Variants in ZNF282 observed in about 807,000 individuals in gnomAD.
ZNF282 encodes the protein HTLV-I U5 repressive element-binding protein 1.
Under a neutral mutation model 61.9 loss-of-function variants are expected in ZNF282, and 30 were observed. The observed-to-expected ratio is 0.48, with a 90% CI of 0.36 to 0.66. ZNF282 has a LOEUF of 0.66. Ranked by LOEUF, ZNF282 falls within the 30% of genes least tolerant of loss-of-function variation. ZNF282 has a pLI of 0.00. For synonymous variants in ZNF282, 396 were observed against 405.0 expected, an observed-to-expected ratio of 0.98 and a Z score of 0.27; for missense variants, 788 against 941.4, an observed-to-expected ratio of 0.84 and a Z score of 2.13.
intron 7 of ZNF282, among the ~76,000 whole-genome samples, chr7:149,221,983 T>G (rs145336203): frequency 6.8e-6 from 1 of 147,046 alleles, no homozygotes; most frequent in Admixed American, 7.0e-5. Context: ...TTCCCCTAAA[T>G]TGGGGAGCAG....
At position 149,207,487 on chromosome 7, in the gene ZNF282, A is replaced by G. The variant is rs1471027359; in HGVS notation, c.832+17A>G. 5 of 1,557,256 alleles carry G rather than the reference A, an allele frequency of 3.2e-6. No individual in the cohort carries two copies. The East Asian group carries it at 1.2e-4, about 37-fold the overall frequency. On this transcript the variant is annotated intron_variant, in intron 4 of 7. Transcript: ENST00000610704. ...CCGAAGCAGGTGATGGCAGCAGAAGAGAGTGCGGGGTCCAGGGAAGGGCGA... is the reference window on the plus strand; with the variant it reads ...CCGAAGCAGGTGATGGCAGCAGAAGGGAGTGCGGGGTCCAGGGAAGGGCGA...
In ZNF282 at chr7:149,200,984, GCTTT is replaced by G. The variant is rs555791520; in HGVS notation, c.585+2239_585+2242del. Among the ~76,000 whole-genome samples, 10 of 152,272 alleles carry G rather than the reference GCTTT, an allele frequency of 6.6e-5. No homozygotes were observed. The South Asian group carries it at 1.9e-3, about 28-fold the overall frequency. On this transcript the variant is annotated intron_variant, in intron 2 of 7. Transcript: ENST00000610704. ...CTGCTCCCTTTCTATATGTTGCCCAGCTTTCTTTCTGGAATGCCAGATTCACATT... is the reference window on the plus strand; with the variant it reads ...CTGCTCCCTTTCTATATGTTGCCCAGCTTTCTGGAATGCCAGATTCACATT...
intron 3 of ZNF282, among the ~76,000 whole-genome samples, 193 bp from the exon 4 acceptor site, chr7:149,207,158 G>T (rs1423383394): frequency 2.6e-5 from 4 of 152,166 alleles, no homozygotes; most frequent in Non-Finnish European, 5.9e-5. Context: ...TCAGAGACCA[G>T]CTCTTCCTAC....
intron 4 of ZNF282, among the ~76,000 whole-genome samples, chr7:149,208,050 T>C (rs1796026061): frequency 6.6e-6 from 1 of 152,230 alleles, no homozygotes; most frequent in South Asian, 2.1e-4. Context: ...GTTCTAGGCC[T>C]GCCTCTGCCT....
intron 2 of ZNF282, among the ~76,000 whole-genome samples, chr7:149,202,311 A>G (rs1795924103): frequency 6.7e-6 from 1 of 148,282 alleles, no homozygotes; most frequent in South Asian, 2.2e-4. Flanking sequence ...TGCCCGGCTA[A>G]TTTTTCTTTT....
rs1795855346 is a variant in ZNF282, at chr7:149,198,444, A to G, written c.277A>G (p.Thr93Ala). ...CATGATGCGAGAGCCCCAGTTGCCC[A>G]CAGCAGAGATCTCACTCTGGACTGT... ...DRMMREPQLP[T>A]AEISLWTVVA... Residue 93 changes from threonine to alanine, a missense_variant, in exon 2 of 8, where the codon ACA (threonine) becomes GCA (alanine). By Grantham distance (58) the Thr-to-Ala change is moderately conservative (BLOSUM62 0). This residue lies in a region of ZNF282 where 137 missense variants were observed against 135.4 expected (regional missense o/e 1.01). Coordinates refer to ENST00000610704, the MANE Select transcript of ZNF282 (RefSeq NM_003575.4). This position sits in a 1 kb window ranked among gnomAD's most constrained non-coding sequence, Gnocchi z 4.3. 1.9e-6 allele frequency: 3 copies of G among 1,614,190 alleles called. No individual in the cohort carries two copies. The Middle Eastern group carries it at 4.9e-4, about 266-fold the overall frequency.
intron 7 of ZNF282, among the ~76,000 whole-genome samples, chr7:149,222,005 G>C (rs1039545796): frequency 2.7e-5 from 4 of 148,288 alleles, no homozygotes; most frequent in Non-Finnish European, 6.0e-5. Context: ...ACTCCTCTAG[G>C]GAGAAAGGAA....
chr7:149,208,328 G>A (rs1277913019), intron 4 of ZNF282, among the ~76,000 whole-genome samples: 2 of 152,030 alleles, frequency 1.3e-5, no homozygotes, highest in African/African-American at 2.4e-5. Flanking sequence ...TCAGCCTCCC[G>A]AGTAGCTGGG....
At chr7:149,219,613 G>T (rs532093341) in intron 7 of ZNF282, among the ~76,000 whole-genome samples, 1 of 152,294 alleles carries the variant, frequency 6.6e-6, no homozygotes, top group East Asian at 1.9e-4. Flanking sequence ...TTGGGAGGCC[G>T]AGGCAGGTGG....
At position 149,223,911 on chromosome 7, in the gene ZNF282, C is replaced by G. The variant is rs1796307088; in HGVS notation, c.1280C>G (p.Pro427Arg). The G allele has an allele frequency of 7.3e-7, 1 of 1,373,690 alleles. No homozygotes were observed. The highest frequency in any genetic ancestry group is 9.4e-7 in the Non-Finnish European group (1 of 1,067,278). 85.1% of individuals were successfully genotyped at this position (1,373,690 alleles called of 1,614,324 possible). The change falls in exon 8 of 8, where the codon CCC becomes CGC. Residue 427 changes from proline to arginine, a missense_variant. Physicochemically the swap from Pro to Arg is moderately radical, Grantham distance 103. Around this residue, in one of 3 missense-constraint regions of ZNF282, gnomAD observed 559 missense variants for 642.0 expected, o/e 0.87. Coordinates refer to ENST00000610704, the MANE Select transcript of ZNF282 (RefSeq NM_003575.4). ...CCGCAGCTGCAGTCGCAGCCCCAGC[C>G]CCAGAGCCTGCCCCCCATCGCGGTG... ...PQPQLQSQPQPQSLPPIAVAE... is the reference protein window; with the variant it reads ...PQPQLQSQPQRQSLPPIAVAE...
chr7:149,195,571 G>T lies in ZNF282; in HGVS notation c.-19G>T, dbSNP rs775414532. On this transcript the variant is annotated 5_prime_UTR_variant, in exon 1 of 8. Transcript: ENST00000610704. ...CTTCTTCTCCCTGGCCGACCCGAGC[G>T]GGGAACAGCACTCCCAGGATGCAGT... 2.5e-6 allele frequency: 4 copies of T among 1,607,790 alleles called. No individual in the cohort carries two copies. In the South Asian group the frequency reaches 3.3e-5, roughly 13 times the overall value.
intron 7 of ZNF282, among the ~76,000 whole-genome samples, chr7:149,218,006 G>A (rs1447657473): frequency 6.6e-6 from 1 of 151,778 alleles, no homozygotes; most frequent in African/African-American, 2.4e-5. Context: ...TGCTCGGGAG[G>A]CTGAGGCATG....
intron 4 of ZNF282, among the ~76,000 whole-genome samples, chr7:149,208,633 AACAT>A (rs1041012340): frequency 3.3e-5 from 5 of 152,184 alleles, no homozygotes; most frequent in African/African-American, 1.2e-4. Context: ...TACAGACCAT[AACAT>A]TTACTGTTTT....
intron 7 of ZNF282, among the ~76,000 whole-genome samples, chr7:149,222,061 C>T (rs902824311): frequency 1.4e-5 from 2 of 144,520 alleles, no homozygotes; most frequent in African/African-American, 5.0e-5. Flanking sequence ...GGCATGAGAA[C>T]CACTGGGCTG....
intron 7 of ZNF282, among the ~76,000 whole-genome samples, chr7:149,215,445 T>C (rs1042529904): frequency 1.3e-5 from 2 of 152,066 alleles, no homozygotes; most frequent in East Asian, 1.9e-4. Context: ...TCAGGTGATC[T>C]GCCCACCTTG....
At chr7:149,223,698 G>A (rs889037294) in intron 7 of ZNF282, 114 bp from the exon 8 acceptor site, 2 of 1,166,168 alleles carry the variant, frequency 1.7e-6, no homozygotes, top group African/African-American at 3.2e-5. Flanking sequence ...GCAATCCCTC[G>A]TAGTTAGTGG....
In ZNF282 at chr7:149,207,383, C is replaced by G. The variant is rs1230183444; in HGVS notation, c.745C>G (p.Pro249Ala). Reference sequence around the variant, plus strand: ...GGGCTCAGTCCCCAAGCCAGATGCTCCAGTCCAGGCTGAGCCCAGGGAAGA... The same window carrying G: ...GGGCTCAGTCCCCAAGCCAGATGCTGCAGTCCAGGCTGAGCCCAGGGAAGA... ...AEGSVPKPDA[P>A]VQAEPREEPC... Residue 249 changes from proline (P) to alanine (A), a missense_variant, in exon 4 of 8, where the codon CCA (proline) becomes GCA (alanine). By Grantham distance (27) the Pro-to-Ala change is conservative. Transcript: ENST00000610704. 1.9e-6 allele frequency: 3 copies of G among 1,584,056 alleles called. No individual in the cohort carries two copies. Among genetic ancestry groups the G allele is most frequent in the East Asian group, 2.3e-5 (1 of 43,418 alleles).
chr7:149,206,952 T>G, intron 3 of ZNF282, 130 bp downstream of exon 3: 1 of 1,286,982 alleles, frequency 7.8e-7, no homozygotes, highest in East Asian at 2.3e-5. Context: ...AGGAAACCAT[T>G]TGCTTATAAT....
At chr7:149,197,134 G>A (rs1795831207) in intron 1 of ZNF282, among the ~76,000 whole-genome samples, 1 of 152,198 alleles carries the variant, frequency 6.6e-6, no homozygotes, top group South Asian at 2.1e-4. Context: ...TTAGCCATAG[G>A]TCTCAGCTCT....
Sources: allele counts gnomAD v4.1 joint callset (sites outside exome capture counted in the v4.1 genomes callset), GRCh38; gene constraint gnomAD v4.1.1; regional missense constraint gnomAD v4.1.1; non-coding constraint Gnocchi (gnomAD v3.1); transcripts MANE v1.5; gene names NCBI Gene and HGNC (gene_info 2026-07-23, HGNC 2026-07-21).